The following CCSER1 variants were observed in gnomAD, a reference collection of about 807,000 sequenced individuals.
CCSER1 encodes the protein serine-rich coiled-coil domain-containing protein 1.
CCSER1 carries 41 observed loss-of-function variants against 82.0 expected under a neutral mutation model. That is an observed-to-expected ratio of 0.50 (90% confidence interval 0.39 to 0.65). The LOEUF (loss-of-function observed/expected upper bound fraction) is 0.65, where lower values mean the gene tolerates loss of function less well. CCSER1 is among the 30% of genes least tolerant of loss of function. The pLI is 0.00. For synonymous variants in CCSER1, 414 were observed against 383.9 expected (o/e 1.08, Z -0.92); for missense variants, 1,119 against 1,064.2 (o/e 1.05, Z -0.72).
At chr4:91,551,656 AACACACACACACACACACACACACACAC>A (rs58159693) in intron 10 of CCSER1, among the ~76,000 whole-genome samples, 1 of 139,434 alleles carries the variant, frequency 7.2e-6, no homozygotes, top group African/African-American at 2.7e-5. Flanking sequence ...GCAAAAAACA[AACACACACACACACACACACACACACAC>A]ACACACACAC....
In CCSER1 at chr4:91,599,927, G is replaced by T. The variant is rs1407434769; in HGVS notation, c.*870G>T. 1 of 152,052 alleles carries T rather than the reference G, an allele frequency of 6.6e-6. No homozygotes were observed. Among genetic ancestry groups the T allele is most frequent in the East Asian group, 1.9e-4 (1 of 5,198 alleles). 9.4% of individuals were successfully genotyped at this position (152,052 alleles called of 1,614,324 possible). A position where few individuals can be genotyped will look rare whatever the true frequency, so the allele number is the denominator to read the frequency against. On this transcript the variant is annotated 3_prime_UTR_variant, in exon 11 of 11. Transcript: ENST00000509176. ...AAATTTCAAGGATGAAACATCCTAA[G>T]AAAATTATTCTTTTTCTTTACTTTC... is the stretch of plus-strand genomic sequence containing the variant.
At chr4:91,343,029 C>T (rs1207252709) in intron 10 of CCSER1, among the ~76,000 whole-genome samples, 1 of 151,956 alleles carries the variant, frequency 6.6e-6, no homozygotes, top group African/African-American at 2.4e-5. Flanking sequence ...AGTGAAGATA[C>T]TGATTTTTGA....
chr4:91,281,382 A>T (rs1430714649), intron 10 of CCSER1, among the ~76,000 whole-genome samples: 3 of 152,156 alleles, frequency 2.0e-5, no homozygotes, highest in Non-Finnish European at 4.4e-5. Flanking sequence ...AAAAGATTTC[A>T]TTGAGCATAA....
intron 10 of CCSER1, among the ~76,000 whole-genome samples, chr4:91,571,615 G>A (rs1469605911): frequency 6.6e-6 from 1 of 152,158 alleles, no homozygotes; most frequent in East Asian, 1.9e-4. Flanking sequence ...AGATCAGCAT[G>A]GGGGAAAACT....
intron 10 of CCSER1, among the ~76,000 whole-genome samples, chr4:91,440,159 T>C (rs537718973): frequency 6.6e-6 from 1 of 152,178 alleles, no homozygotes; most frequent in Non-Finnish European, 1.5e-5. Context: ...CAACAGAATA[T>C]ACATTTTTTT....
intron 1 of CCSER1, among the ~76,000 whole-genome samples, chr4:90,142,648 T>G (rs1725013658): frequency 6.6e-6 from 1 of 151,496 alleles, no homozygotes; most frequent in African/African-American, 2.4e-5. Context: ...TTGGTATGAG[T>G]AAGCCACAAT....
chr4:90,800,857 A>G (rs1682902084), intron 7 of CCSER1, among the ~76,000 whole-genome samples: 1 of 152,178 alleles, frequency 6.6e-6, no homozygotes. Context: ...AAAAGTAAAT[A>G]CCAATGTTTA....
intron 9 of CCSER1, among the ~76,000 whole-genome samples, chr4:91,017,835 G>T (rs1270609056): frequency 6.9e-6 from 1 of 145,648 alleles, no homozygotes; most frequent in African/African-American, 2.5e-5. Flanking sequence ...GTGTGTGTGT[G>T]TGTGTGTATA....
At chr4:90,287,560 A>C (rs1175260918) in intron 1 of CCSER1, among the ~76,000 whole-genome samples, 1 of 151,918 alleles carries the variant, frequency 6.6e-6, no homozygotes, top group Non-Finnish European at 1.5e-5. Flanking sequence ...AAAGCCATTC[A>C]AGATGAGGAC....
chr4:90,788,186 T>C (rs890483736), intron 7 of CCSER1, among the ~76,000 whole-genome samples: 1 of 152,232 alleles, frequency 6.6e-6, no homozygotes, highest in Admixed American at 6.5e-5. Context: ...TCATGGGTTA[T>C]GTACTCTATT....
intron 10 of CCSER1, among the ~76,000 whole-genome samples, chr4:91,275,101 G>A (rs573003537): frequency 7.3e-5 from 11 of 150,494 alleles, no homozygotes; most frequent in South Asian, 2.1e-4. Context: ...GCGAGACTCC[G>A]TCTAAAAAAA....
At chr4:91,406,112 T>C (rs1752682923) in intron 10 of CCSER1, among the ~76,000 whole-genome samples, 1 of 152,178 alleles carries the variant, frequency 6.6e-6, no homozygotes, top group South Asian at 2.1e-4. Flanking sequence ...AGAAATTTGT[T>C]AACTTGTAAC....
intron 6 of CCSER1, among the ~76,000 whole-genome samples, chr4:90,698,274 A>G (rs1737352813): frequency 6.6e-6 from 1 of 152,210 alleles, no homozygotes; most frequent in Non-Finnish European, 1.5e-5. Context: ...TAAGGAATGT[A>G]GTCAGTGCTC....
intron 7 of CCSER1, among the ~76,000 whole-genome samples, chr4:90,765,170 G>C (rs1751030661): frequency 6.6e-6 from 1 of 152,086 alleles, no homozygotes; most frequent in Admixed American, 6.6e-5. Flanking sequence ...TGTCCTTAGA[G>C]GAGTTTCTAT....
intron 5 of CCSER1, among the ~76,000 whole-genome samples, chr4:90,549,243 T>C (rs963447569): frequency 2.6e-5 from 4 of 152,228 alleles, no homozygotes; most frequent in African/African-American, 9.6e-5. Context: ...TGTATCATAA[T>C]ATGAGAACAT....
intron 10 of CCSER1, among the ~76,000 whole-genome samples, chr4:91,422,978 A>G (rs1578415946): frequency 6.6e-6 from 1 of 152,186 alleles, no homozygotes; most frequent in African/African-American, 2.4e-5. Flanking sequence ...GGTTGTGGCT[A>G]CTAAAAATAA....
At chr4:90,939,883 T>G (rs1731390898) in intron 9 of CCSER1, among the ~76,000 whole-genome samples, 1 of 152,118 alleles carries the variant, frequency 6.6e-6, no homozygotes, top group South Asian at 2.1e-4. Context: ...ACATTTTTTG[T>G]TTTTCTAACA....
intron 5 of CCSER1, among the ~76,000 whole-genome samples, chr4:90,555,523 A>T (rs1778026213): frequency 6.6e-6 from 1 of 152,108 alleles, no homozygotes; most frequent in Non-Finnish European, 1.5e-5. Context: ...AACTTGTTTG[A>T]TATGAGATTG....
intron 7 of CCSER1, among the ~76,000 whole-genome samples, chr4:90,799,997 C>T (rs750672614): frequency 1.3e-5 from 2 of 152,154 alleles, no homozygotes; most frequent in East Asian, 1.9e-4. Flanking sequence ...TGCAGAGTTC[C>T]GAGCTTTCTC....
Sources: allele counts gnomAD v4.1 joint callset (sites outside exome capture counted in the v4.1 genomes callset), GRCh38; gene constraint gnomAD v4.1.1; transcripts MANE v1.5; gene names NCBI Gene and HGNC (gene_info 2026-07-23, HGNC 2026-07-21).